Variants in TMEM63A observed in about 807,000 individuals in gnomAD.
The protein encoded by TMEM63A is mechanosensitive cation channel TMEM63A.
TMEM63A carries 76 observed loss-of-function variants against 100.6 expected under a neutral mutation model. That is an observed-to-expected ratio of 0.76 (90% CI 0.63 to 0.91). The LOEUF (loss-of-function observed/expected upper bound fraction) is 0.91, where lower values mean the gene tolerates loss of function less well. Among genes scored for constraint, TMEM63A ranks in the 40% least tolerant of loss-of-function variants. The pLI is 0.00. For synonymous variants in TMEM63A, 401 were observed against 401.1 expected (o/e 1.00, Z 0.00); for missense variants, 876 against 1,008.8 (o/e 0.87, Z 1.78).
At position 225,878,866 on chromosome 1, in the gene TMEM63A, A is replaced by G. The variant is rs1022301402; in HGVS notation, c.-15+354T>C. Among the ~76,000 whole-genome samples, 27 of 122,332 alleles carry G rather than the reference A, an allele frequency of 2.2e-4. No homozygotes were observed. The Admixed American group carries it at 2.5e-3, about 11-fold the overall frequency. The allele number at this position is 122,332 out of a possible 152,430, so 80.3% of individuals were successfully genotyped here. ...TGGGGACAATCACACATGGACACCT[A>G]CCTACCTACCTACCTACCTACACAC... is the stretch of plus-strand genomic sequence containing the variant. On this transcript the variant is annotated intron_variant, in intron 2 of 24. Coordinates refer to ENST00000366835, the MANE Select transcript of TMEM63A (RefSeq NM_014698.3).
At chr1:225,869,523 TGA>T (rs1670385620) in intron 6 of TMEM63A, among the ~76,000 whole-genome samples, 1 of 152,216 alleles carries the variant, frequency 6.6e-6, no homozygotes, top group African/African-American at 2.4e-5. Context: ...TGAATTAGGC[TGA>T]GCATATGTTA....
Position 225,862,402 on chromosome 1 carries a change from G to C in TMEM63A, c.952-51C>G. On this transcript the variant is annotated intron_variant, in intron 12 of 24. Transcript: ENST00000366835. This position sits in a 1 kb window ranked among gnomAD's most constrained non-coding sequence, Gnocchi z 5.1. ...ATGACGTGGCCCCATGCTGGTATCT[G>C]GGGCACCCCGATGCCAATGCCTCTG... is the stretch of plus-strand genomic sequence containing the variant. 1 of 1,613,842 alleles carries C rather than the reference G, an allele frequency of 6.2e-7. No individual in the cohort carries two copies. The highest frequency in any genetic ancestry group is 8.5e-7 in the Non-Finnish European group (1 of 1,179,764).
intron 13 of TMEM63A, chr1:225,862,000 TC>T: frequency 1.4e-6 from 1 of 695,924 alleles, no homozygotes; most frequent in East Asian, 2.8e-5. Flanking sequence ...AATCACCCAC[TC>T]CGTGGCTGCT....
chr1:225,874,245 C>T (rs778934768), intron 4 of TMEM63A, 43 bp downstream of exon 4: 36 of 1,575,902 alleles, frequency 2.3e-5, no homozygotes, highest in East Asian at 6.7e-5. Context: ...CACACTCACA[C>T]GTACGCACAC....
Position 225,862,348 on chromosome 1 carries a change from CTT to C in TMEM63A, c.953_954del (p.Glu318GlyfsTer62), listed in dbSNP as rs1669982832. On this transcript the variant is annotated frameshift_variant and splice_region_variant, in exon 13 of 25. Transcript: ENST00000366835. LOFTEE classifies it high-confidence loss of function. The surrounding 1 kb of genome is among the most constrained non-coding windows in gnomAD (Gnocchi z 5.1). ...CCCEVLGCEW[E>X]DAISYYTRMK... ...ATCCGTGTGTAGTAAGAGATGGCGT[CTT>C]CCTGCCACAAGACACATCCCATTGG... 2.5e-6 allele frequency: 4 copies of C among 1,614,208 alleles called. No homozygotes were observed. Among genetic ancestry groups the C allele is most frequent in the Non-Finnish European group, 3.4e-6 (4 of 1,180,038 alleles).
chr1:225,870,631 T>A (rs360089), intron 6 of TMEM63A, among the ~76,000 whole-genome samples: 1 of 152,222 alleles, frequency 6.6e-6, no homozygotes, highest in Non-Finnish European at 1.5e-5. Flanking sequence ...AACCTGCCTA[T>A]GAGAGCGTCC....
Position 225,871,067 on chromosome 1 carries a change from T to G in TMEM63A, c.371+9A>C. ...AGGCCCCCCAGCAGCTGCCCCCGGG[T>G]GTACTCACTGCAGACGGAAGATGGC... On this transcript the variant is annotated intron_variant, in intron 6 of 24. Transcript: ENST00000366835. 1.2e-6 allele frequency: 2 copies of G among 1,613,638 alleles called. No homozygotes were observed. Among genetic ancestry groups the G allele is most frequent in the East Asian group, 2.2e-5 (1 of 44,868 alleles).
chr1:225,852,048 C>T (rs917989158), intron 20 of TMEM63A, among the ~76,000 whole-genome samples: 5 of 152,252 alleles, frequency 3.3e-5, no homozygotes, highest in South Asian at 2.1e-4. Context: ...GAAAGCAGCA[C>T]GAGAGCTTTG....
chr1:225,867,085 A>G lies in TMEM63A; in HGVS notation c.566+27T>C. On this transcript the variant is annotated intron_variant, in intron 8 of 24. Coordinates refer to ENST00000366835, the MANE Select transcript of TMEM63A (RefSeq NM_014698.3). This position sits in a 1 kb window ranked among gnomAD's most constrained non-coding sequence, Gnocchi z 4.6. ...CTTCTCCTTGATCTCACCCATCAGC[A>G]CCTATCCCCACGGGCTCCATACTCA... The G allele has an allele frequency of 1.2e-6, 2 of 1,613,432 alleles. No homozygotes were observed. The highest frequency in any genetic ancestry group is 1.7e-6 in the Non-Finnish European group (2 of 1,179,638).
intron 22 of TMEM63A, 122 bp downstream of exon 22, chr1:225,848,775 A>G: frequency 1.1e-6 from 1 of 914,036 alleles, no homozygotes; most frequent in South Asian, 1.6e-5. Flanking sequence ...ATGGAGAAGC[A>G]GAATCTGGAG....
At chr1:225,849,137 T>A in intron 21 of TMEM63A, 125 bp from the exon 22 acceptor site, 1 of 730,132 alleles carries the variant, frequency 1.4e-6, no homozygotes, top group South Asian at 1.8e-5. Context: ...AGGCAGAAAA[T>A]AAAGGTAAGG....
intron 6 of TMEM63A, 67 bp downstream of exon 6, chr1:225,871,009 T>C: frequency 6.4e-7 from 1 of 1,555,328 alleles, no homozygotes; most frequent in Non-Finnish European, 8.9e-7. Flanking sequence ...TCTTGCCTCT[T>C]GACTGGCCAA....
intron 3 of TMEM63A, among the ~76,000 whole-genome samples, chr1:225,876,689 C>T (rs1329600420): frequency 6.6e-6 from 1 of 151,096 alleles, no homozygotes; most frequent in African/African-American, 2.4e-5. Context: ...GCTCTTGTTG[C>T]ACAGGCTGGA....
chr1:225,858,250 T>A (rs959486297), intron 15 of TMEM63A, among the ~76,000 whole-genome samples: 6 of 152,114 alleles, frequency 3.9e-5, no homozygotes, highest in Admixed American at 6.5e-5. Flanking sequence ...TGAGTGAGTG[T>A]TTGGCTGTTA....
chr1:225,860,802 G>A, intron 14 of TMEM63A, 58 bp downstream of exon 14: 3 of 1,534,504 alleles, frequency 2.0e-6, no homozygotes, highest in Non-Finnish European at 2.6e-6. Flanking sequence ...CAGGTGATGG[G>A]CAGCTCCCAC....
rs1362691057 is a variant in TMEM63A, at chr1:225,853,725, G to A, written c.1701C>T (p.Gly567=). ...GCAGCCGCAGCAGCTCCATGCCATTGCCGATGAAGGCCGAGGCGATGACAT... is the reference window on the plus strand; with the variant it reads ...GCAGCCGCAGCAGCTCCATGCCATTACCGATGAAGGCCGAGGCGATGACAT... ...VNYVIASAFI[G]NGMELLRLPG... The change falls in exon 19 of 25, where the codon GGC becomes GGT. Residue 567 remains glycine, a synonymous_variant. Transcript: ENST00000366835. The surrounding 1 kb of genome is among the most constrained non-coding windows in gnomAD (Gnocchi z 4.0). The A allele has an allele frequency of 6.2e-7, 1 of 1,602,238 alleles. No homozygotes were observed. Among genetic ancestry groups the A allele is most frequent in the African/African-American group, 1.3e-5 (1 of 74,788 alleles).
At chr1:225,874,256 G>T in intron 4 of TMEM63A, 32 bp downstream of exon 4, 2 of 1,601,916 alleles carry the variant, frequency 1.2e-6, no homozygotes, top group South Asian at 1.1e-5. Context: ...GTACGCACAC[G>T]CATGCTCACA....
At chr1:225,841,904 T>C (rs1668463317), downstream of TMEM63A, among the ~76,000 whole-genome samples, 1 of 152,256 alleles carries the variant, frequency 6.6e-6, no homozygotes, top group Non-Finnish European at 1.5e-5. Flanking sequence ...GCCCCCAGCC[T>C]GTTCCAGCCA....
Position 225,867,057 on chromosome 1 carries a change from T to G in TMEM63A, c.566+55A>C. The G allele has an allele frequency of 1.2e-6, 2 of 1,601,966 alleles. No homozygotes were observed. Among genetic ancestry groups the G allele is most frequent in the Non-Finnish European group, 1.7e-6 (2 of 1,169,076 alleles). On this transcript the variant is annotated intron_variant, in intron 8 of 24. Coordinates refer to ENST00000366835, the MANE Select transcript of TMEM63A (RefSeq NM_014698.3). This position sits in a 1 kb window ranked among gnomAD's most constrained non-coding sequence, Gnocchi z 4.6. ...TCTGGCCTGCCCCGGGCTCCTGACC[T>G]GCCTTCTCCTTGATCTCACCCATCA...
Sources: gnomAD v4.1 joint callset for allele counts (sites outside exome capture counted in the v4.1 genomes callset) on GRCh38, gnomAD v4.1.1 for gene constraint, Gnocchi (gnomAD v3.1) non-coding constraint, MANE v1.5 for transcripts, NCBI Gene and HGNC (gene_info 2026-07-23, HGNC 2026-07-21) for gene names.